The following PDZRN4 variants were observed in gnomAD, a reference collection of about 807,000 sequenced individuals.
PDZRN4 encodes PDZ domain-containing RING finger protein 4.
In PDZRN4, 70 loss-of-function variants were observed where a neutral mutation model predicts 99.0. That is an observed-to-expected ratio of 0.71 (90% confidence interval 0.58 to 0.86). PDZRN4 has a LOEUF of 0.86. Among genes scored for constraint, PDZRN4 ranks in the 40% least tolerant of loss-of-function variants. PDZRN4 has a pLI of 0.00. For missense variants in PDZRN4, 1,474 were observed against 1,331.2 expected (o/e 1.11, Z -1.67); for synonymous variants, 551 against 501.6 (o/e 1.10, Z -1.32).
chr12:41,364,461 T>C (rs1183737019), intron 3 of PDZRN4, among the ~76,000 whole-genome samples: 1 of 152,080 alleles, frequency 6.6e-6, no homozygotes, highest in Non-Finnish European at 1.5e-5. Flanking sequence ...GTATTACAAT[T>C]AGATATGCGT....
intron 3 of PDZRN4, 78 bp from the exon 4 acceptor site, chr12:41,506,374 TTCTC>T: frequency 1.5e-6 from 2 of 1,348,820 alleles, no homozygotes; most frequent in Non-Finnish European, 2.0e-6. Flanking sequence ...GTTGAAACCT[TTCTC>T]TCTGTCTTTT....
chr12:41,221,817 G>T (rs1437528558), intron 3 of PDZRN4, among the ~76,000 whole-genome samples: 2 of 152,062 alleles, frequency 1.3e-5, no homozygotes, highest in African/African-American at 4.8e-5. Flanking sequence ...CAAGAAAGGA[G>T]AGAAAACTGG....
At chr12:41,436,971 T>C (rs1329254665) in intron 3 of PDZRN4, among the ~76,000 whole-genome samples, 1 of 152,196 alleles carries the variant, frequency 6.6e-6, no homozygotes, top group African/African-American at 2.4e-5. Flanking sequence ...AGAAAAGGCA[T>C]TGTGTTGATC....
intron 3 of PDZRN4, among the ~76,000 whole-genome samples, chr12:41,226,145 C>G (rs1950993126): frequency 6.6e-6 from 1 of 151,782 alleles, no homozygotes; most frequent in Non-Finnish European, 1.5e-5. Flanking sequence ...ATATGTTGTC[C>G]TATATGTGTT....
chr12:41,300,410 G>C (rs948909674), intron 3 of PDZRN4, among the ~76,000 whole-genome samples: 4 of 151,744 alleles, frequency 2.6e-5, no homozygotes, highest in Admixed American at 2.6e-4. Context: ...TTAAATAACA[G>C]AACTAAAATA....
chr12:41,347,714 T>C (rs888638442), intron 3 of PDZRN4, among the ~76,000 whole-genome samples: 4 of 152,284 alleles, frequency 2.6e-5, no homozygotes, highest in Admixed American at 6.5e-5. Flanking sequence ...AGAAAGCATT[T>C]ACTTATCTCA....
chr12:41,537,968 G>A (rs138600835), intron 5 of PDZRN4, among the ~76,000 whole-genome samples: 66 of 152,094 alleles, frequency 4.3e-4, no homozygotes, highest in Non-Finnish European at 8.2e-4. Context: ...AAGCTTGGCT[G>A]CACTCCACTG....
rs75520263 is a variant in PDZRN4 at position 41,305,158 on chromosome 12, G to T, written c.843+110970G>T. ...CAGTTTTGTGTTAGAAAAATCATTC[G>T]GGTGTTTTGCTTCCTATTCAAAGTG... is the stretch of plus-strand genomic sequence containing the variant. On this transcript the variant is annotated intron_variant, in intron 3 of 9. Transcript: ENST00000402685. Among the ~76,000 whole-genome samples, 530 of 152,058 alleles carry T rather than the reference G, an allele frequency of 3.5e-3. 6 individuals carry two copies. The highest frequency in any genetic ancestry group is 0.012 in the African/African-American group (511 of 41,476).
chr12:41,305,139 T>G (rs1772815627), intron 3 of PDZRN4, among the ~76,000 whole-genome samples: 1 of 152,202 alleles, frequency 6.6e-6, no homozygotes, highest in African/African-American at 2.4e-5. Context: ...TTATCAGTTT[T>G]GTGTTAGAAA....
intron 3 of PDZRN4, among the ~76,000 whole-genome samples, chr12:41,363,828 C>A (rs1380190256): frequency 6.6e-6 from 1 of 152,088 alleles, no homozygotes; most frequent in Non-Finnish European, 1.5e-5. Context: ...AAAATGACGA[C>A]TACCTTCCAG....
At chr12:41,213,124 T>A (rs1950898497) in intron 3 of PDZRN4, among the ~76,000 whole-genome samples, 2 of 152,090 alleles carry the variant, frequency 1.3e-5, no homozygotes, top group South Asian at 4.1e-4. Context: ...CCCCCATTTA[T>A]AAATCGGGTT....
chr12:41,204,497 A>G (rs1014391290), intron 3 of PDZRN4, among the ~76,000 whole-genome samples: 3 of 152,028 alleles, frequency 2.0e-5, no homozygotes, highest in Non-Finnish European at 2.9e-5. Context: ...TCACACTGCT[A>G]TAAAGAACTG....
intron 3 of PDZRN4, among the ~76,000 whole-genome samples, chr12:41,289,473 C>T (rs1425165912): frequency 6.6e-6 from 1 of 152,178 alleles, no homozygotes; most frequent in African/African-American, 2.4e-5. Context: ...AGGCTCACTG[C>T]TCCTTCATGT....
chr12:41,322,451 G>A (rs920648209), intron 3 of PDZRN4, among the ~76,000 whole-genome samples: 3 of 139,194 alleles, frequency 2.2e-5, no homozygotes, highest in Non-Finnish European at 4.7e-5. Flanking sequence ...ATGGAATGTT[G>A]TATAAAACGA....
chr12:41,218,048 G>C (rs1950932555), intron 3 of PDZRN4, among the ~76,000 whole-genome samples: 1 of 152,124 alleles, frequency 6.6e-6, no homozygotes, highest in Non-Finnish European at 1.5e-5. Flanking sequence ...AGGGAGGCCA[G>C]TTTTCAAAAG....
At chr12:41,356,771 G>T (rs1314965224) in intron 3 of PDZRN4, among the ~76,000 whole-genome samples, 5 of 151,986 alleles carry the variant, frequency 3.3e-5, no homozygotes, top group African/African-American at 7.2e-5. Context: ...ACTTGGATCT[G>T]ACACCATCAC....
intron 3 of PDZRN4, among the ~76,000 whole-genome samples, chr12:41,247,232 A>T (rs1172765878): frequency 6.6e-5 from 10 of 152,160 alleles, no homozygotes; most frequent in Admixed American, 6.5e-4. Context: ...TTGAGAAGAG[A>T]ACTCTGGAAG....
At chr12:41,459,028 G>A (rs182186646) in intron 3 of PDZRN4, among the ~76,000 whole-genome samples, 24 of 35,836 alleles carry the variant, frequency 6.7e-4, no homozygotes, top group East Asian at 6.6e-3. Flanking sequence ...GTTCAAAGGA[G>A]GAATTAGGTT....
At chr12:41,349,711 G>C (rs1951877713) in intron 3 of PDZRN4, among the ~76,000 whole-genome samples, 2 of 151,772 alleles carry the variant, frequency 1.3e-5, no homozygotes, top group African/African-American at 4.8e-5. Context: ...AATGAATAAG[G>C]AGCTTTCTTG....
Sources: gnomAD v4.1 joint callset for allele counts (sites outside exome capture counted in the v4.1 genomes callset) on GRCh38, gnomAD v4.1.1 for gene constraint, MANE v1.5 for transcripts, NCBI Gene and HGNC (gene_info 2026-07-23, HGNC 2026-07-21) for gene names.